Variants in CAMTA1 observed in about 807,000 individuals in gnomAD.
CAMTA1 encodes calmodulin binding transcription activator 1.
In CAMTA1, 27 loss-of-function variants were observed where a neutral mutation model predicts 170.9. That is an observed-to-expected ratio of 0.16 (90% CI 0.12 to 0.22). The LOEUF (loss-of-function observed/expected upper bound fraction) is 0.22. Among genes scored for constraint, CAMTA1 ranks in the 10% least tolerant of loss-of-function variants. The probability of loss-of-function intolerance (pLI) is 1.00; values close to 1 mark genes in which losing one functional copy is unlikely to be tolerated. For synonymous variants in CAMTA1, 833 were observed against 891.5 expected (o/e 0.93, Z 1.17); for missense variants, 1,619 against 2,217.2 (o/e 0.73, Z 5.42).
intron 3 of CAMTA1, among the ~76,000 whole-genome samples, chr1:6,905,760 A>G (rs1678323308): frequency 6.6e-6 from 1 of 151,962 alleles, no homozygotes; most frequent in Admixed American, 6.5e-5. Context: ...CTGTCCTCAT[A>G]CTTAGAGCTC....
Position 7,477,069 on chromosome 1 carries a change from G to C in CAMTA1, c.510+9168G>C, listed in dbSNP as rs1205582654. On this transcript the variant is annotated intron_variant, in intron 6 of 22. Transcript: ENST00000303635. ...TAGATAATTAGGAGAAGGGCAAGGG[G>C]GTGTGAGGGAGGCCAGGGCTCCAGC... is the stretch of plus-strand genomic sequence containing the variant. Among the ~76,000 whole-genome samples the C allele has an allele frequency of 2.0e-5, 3 of 152,208 alleles. No homozygotes were observed. The East Asian group carries it at 5.8e-4, about 29-fold the overall frequency.
rs184019973 is a variant in CAMTA1, at chr1:7,289,470, C to G, written c.438+39844C>G. ...CTCGGAGGCAGGTGAGAAAGAGGAA[C>G]AGGGGCTCCATTTCCTCATCTATAA... On this transcript the variant is annotated intron_variant, in intron 5 of 22. Coordinates refer to ENST00000303635, the MANE Select transcript of CAMTA1 (RefSeq NM_015215.4). 2.0e-4 allele frequency among the ~76,000 whole-genome samples: 30 copies of G among 152,268 alleles called. No homozygotes were observed. The East Asian group carries it at 5.2e-3, about 26-fold the overall frequency.
At chr1:7,380,630 G>A (rs971183151) in intron 5 of CAMTA1, among the ~76,000 whole-genome samples, 1 of 152,180 alleles carries the variant, frequency 6.6e-6, no homozygotes, top group Non-Finnish European at 1.5e-5. Context: ...ACCACTTCTG[G>A]CCACTCTTCC....
At chr1:7,655,105 T>G (rs1172758873) in intron 7 of CAMTA1, among the ~76,000 whole-genome samples, 1 of 16,150 alleles carries the variant, frequency 6.2e-5, no homozygotes, top group African/African-American at 8.6e-5. Flanking sequence ...CACACACCTA[T>G]ACACACACCT....
chr1:7,303,760 C>T (rs1379791636), intron 5 of CAMTA1, among the ~76,000 whole-genome samples: 2 of 152,148 alleles, frequency 1.3e-5, no homozygotes, highest in East Asian at 3.8e-4. Flanking sequence ...AGGCATGGGA[C>T]GTGGCTGCAA....
chr1:7,381,607 A>G (rs1289770280), intron 5 of CAMTA1, among the ~76,000 whole-genome samples: 3 of 151,702 alleles, frequency 2.0e-5, no homozygotes, highest in Non-Finnish European at 4.4e-5. Context: ...TAGTGCCGCA[A>G]TAAACACATG....
At chr1:6,873,488 G>T (rs1477290358) in intron 3 of CAMTA1, among the ~76,000 whole-genome samples, 1 of 152,178 alleles carries the variant, frequency 6.6e-6, no homozygotes, top group Non-Finnish European at 1.5e-5. Flanking sequence ...GCTGACCCCT[G>T]AGGGATGAGC....
At chr1:7,184,162 C>A (rs969888865) in intron 4 of CAMTA1, among the ~76,000 whole-genome samples, 4 of 151,996 alleles carry the variant, frequency 2.6e-5, no homozygotes, top group Non-Finnish European at 5.9e-5. Context: ...CTTGCTTATT[C>A]ATGGGAACTC....
chr1:6,964,804 C>T (rs1249325013), intron 3 of CAMTA1, among the ~76,000 whole-genome samples: 2 of 152,144 alleles, frequency 1.3e-5, no homozygotes, highest in East Asian at 1.9e-4. Context: ...TGTGAGATGC[C>T]GCCAGGGATT....
At chr1:7,474,957 C>T (rs1445512170) in intron 6 of CAMTA1, among the ~76,000 whole-genome samples, 1 of 152,184 alleles carries the variant, frequency 6.6e-6, no homozygotes, top group Admixed American at 6.5e-5. Context: ...GGACTGCAGG[C>T]CAAGTGGGAC....
At chr1:7,603,721 CATT>C (rs1166623800) in intron 6 of CAMTA1, among the ~76,000 whole-genome samples, 1 of 152,170 alleles carries the variant, frequency 6.6e-6, no homozygotes, top group African/African-American at 2.4e-5. Flanking sequence ...TTGATCCTGT[CATT>C]ATGATGTTAG....
intron 3 of CAMTA1, among the ~76,000 whole-genome samples, chr1:6,984,886 T>G (rs1475760370): frequency 6.6e-6 from 1 of 152,212 alleles, no homozygotes; most frequent in Non-Finnish European, 1.5e-5. Flanking sequence ...GACGACAGTC[T>G]GGAGTAATCT....
At chr1:7,630,520 G>C (rs2095662120) in intron 6 of CAMTA1, among the ~76,000 whole-genome samples, 1 of 152,192 alleles carries the variant, frequency 6.6e-6, no homozygotes, top group Non-Finnish European at 1.5e-5. Context: ...GGAAAATTCT[G>C]GTAATTGTGT....
At chr1:7,758,886 G>A (rs2096953001) in intron 22 of CAMTA1, among the ~76,000 whole-genome samples, 1 of 133,358 alleles carries the variant, frequency 7.5e-6, no homozygotes, top group Non-Finnish European at 1.5e-5. Context: ...AGTGAGCCGA[G>A]ATAGCGCCAC....
At chr1:7,081,752 G>T (rs1640039648) in intron 3 of CAMTA1, among the ~76,000 whole-genome samples, 1 of 152,250 alleles carries the variant, frequency 6.6e-6, no homozygotes, top group African/African-American at 2.4e-5. Flanking sequence ...GCGCCAAGCA[G>T]TGGTTGCTGT....
intron 3 of CAMTA1, among the ~76,000 whole-genome samples, chr1:7,084,090 CA>C (rs1025652222): frequency 6.6e-6 from 1 of 151,714 alleles, no homozygotes; most frequent in Non-Finnish European, 1.5e-5. Context: ...TTTCTATGTG[CA>C]AAATATATCT....
intron 3 of CAMTA1, among the ~76,000 whole-genome samples, chr1:7,029,488 C>CAAAAAA (rs55736306): frequency 4.7e-5 from 3 of 63,822 alleles, no homozygotes; most frequent in African/African-American, 1.7e-4. Flanking sequence ...GACTCTGTCT[C>CAAAAAA]AAAAAAAAAA....
At chr1:7,174,419 T>C (rs1229617800) in intron 4 of CAMTA1, among the ~76,000 whole-genome samples, 2 of 152,216 alleles carry the variant, frequency 1.3e-5, no homozygotes, top group African/African-American at 2.4e-5. Context: ...TCTATAAATC[T>C]TGGGAACATA....
intron 5 of CAMTA1, among the ~76,000 whole-genome samples, chr1:7,289,880 G>A (rs1286409675): frequency 6.6e-6 from 1 of 152,176 alleles, no homozygotes; most frequent in Non-Finnish European, 1.5e-5. Context: ...GAGAGGGCGT[G>A]GTCTTACCAA....
Sources: allele counts gnomAD v4.1 joint callset (sites outside exome capture counted in the v4.1 genomes callset), GRCh38; gene constraint gnomAD v4.1.1; transcripts MANE v1.5; gene names NCBI Gene and HGNC (gene_info 2026-07-23, HGNC 2026-07-21).